The following PBX1 variants were observed in gnomAD, a reference collection of about 807,000 sequenced individuals.
PBX1 encodes PBX homeobox 1.
PBX1 carries 6 observed loss-of-function variants against 53.4 expected under a neutral mutation model. That is an observed-to-expected ratio of 0.11 (90% CI 0.06 to 0.22). The LOEUF (loss-of-function observed/expected upper bound fraction) is 0.22. Among genes scored for constraint, PBX1 ranks in the 10% least tolerant of loss-of-function variants. PBX1 has a pLI of 1.00. For missense variants in PBX1, 251 were observed against 551.4 expected, an observed-to-expected ratio of 0.46 and a Z score of 5.46; for synonymous variants, 204 against 212.3, an observed-to-expected ratio of 0.96 and a Z score of 0.34.
chr1:164,658,978 C>T (rs1377432342), intron 2 of PBX1, among the ~76,000 whole-genome samples: 2 of 152,140 alleles, frequency 1.3e-5, no homozygotes, highest in Middle Eastern at 3.2e-3. Flanking sequence ...GATTTCCAGT[C>T]GTTGTCCATT....
At chr1:164,794,140 G>A (rs1332850756) in intron 3 of PBX1, among the ~76,000 whole-genome samples, 1 of 151,978 alleles carries the variant, frequency 6.6e-6, no homozygotes, top group Non-Finnish European at 1.5e-5. Context: ...CTTCTAAAGT[G>A]CTGGGATTAT....
chr1:164,570,644 T>G (rs145270884), intron 2 of PBX1, among the ~76,000 whole-genome samples: 5,380 of 152,276 alleles, frequency 0.035, 127 homozygotes, highest in Non-Finnish European at 0.053. Flanking sequence ...TCTTTGCTAT[T>G]GTGAATAGTG....
chr1:164,833,974 G>T (rs1309704791), intron 8 of PBX1, among the ~76,000 whole-genome samples: 1 of 143,162 alleles, frequency 7.0e-6, no homozygotes, highest in Non-Finnish European at 1.5e-5. Context: ...TAATTTTTAT[G>T]CCAGAAATAT....
chr1:164,766,424 C>A (rs1163968737), intron 2 of PBX1, among the ~76,000 whole-genome samples: 1 of 152,144 alleles, frequency 6.6e-6, no homozygotes, highest in African/African-American at 2.4e-5. Context: ...ATCATCATCA[C>A]CCCTGCTTTA....
intron 2 of PBX1, among the ~76,000 whole-genome samples, chr1:164,571,344 T>C (rs1653838756): frequency 6.6e-6 from 1 of 152,166 alleles, no homozygotes; most frequent in South Asian, 2.1e-4. Context: ...AATCAGTCCA[T>C]ATTTCCCCCT....
At chr1:164,656,795 A>G (rs1378947416) in intron 2 of PBX1, among the ~76,000 whole-genome samples, 1 of 152,190 alleles carries the variant, frequency 6.6e-6, no homozygotes, top group Non-Finnish European at 1.5e-5. Flanking sequence ...CAGTTCTGCT[A>G]CAGGTATTCT....
At chr1:164,651,484 T>C (rs533646785) in intron 2 of PBX1, among the ~76,000 whole-genome samples, 1 of 152,170 alleles carries the variant, frequency 6.6e-6, no homozygotes, top group South Asian at 2.1e-4. Flanking sequence ...TTGAGCCTAA[T>C]GAATTCCGCT....
At chr1:164,759,180 T>C (rs1666680973) in intron 2 of PBX1, among the ~76,000 whole-genome samples, 1 of 152,210 alleles carries the variant, frequency 6.6e-6, no homozygotes, top group Non-Finnish European at 1.5e-5. Flanking sequence ...CTTTAAAGGA[T>C]AGTGTCGGTT....
intron 2 of PBX1, among the ~76,000 whole-genome samples, chr1:164,688,705 A>G (rs1385845940): frequency 6.6e-6 from 1 of 152,054 alleles, no homozygotes. Flanking sequence ...GCCACTTTCC[A>G]TTCTTCCCCC....
chr1:164,865,228 T>C (rs1424394833), intron 2 of PBX1, among the ~76,000 whole-genome samples: 1 of 152,232 alleles, frequency 6.6e-6, no homozygotes, highest in Non-Finnish European at 1.5e-5. Flanking sequence ...ACCTGGCTCA[T>C]AGCCAGTTCT....
At chr1:164,765,190 G>A (rs1296947365) in intron 2 of PBX1, among the ~76,000 whole-genome samples, 1 of 152,194 alleles carries the variant, frequency 6.6e-6, no homozygotes, top group Admixed American at 6.5e-5. Flanking sequence ...GCAGTATAAA[G>A]ATGTACATGT....
intron 2 of PBX1, among the ~76,000 whole-genome samples, chr1:164,691,232 T>C (rs1686192): frequency 0.47 from 71,769 of 151,590 alleles, 17,231 homozygotes; most frequent in East Asian, 0.66. Flanking sequence ...CCAACTGGTC[T>C]CGAACTCCCG....
intron 2 of PBX1, among the ~76,000 whole-genome samples, chr1:164,649,440 G>T (rs1659656934): frequency 6.6e-6 from 1 of 152,008 alleles, no homozygotes; most frequent in Non-Finnish European, 1.5e-5. Context: ...TTAAACCCAG[G>T]ACCTGTTTGA....
chr1:164,666,064 A>C (rs1660787192), intron 2 of PBX1, among the ~76,000 whole-genome samples: 1 of 152,182 alleles, frequency 6.6e-6, no homozygotes, highest in Admixed American at 6.5e-5. Context: ...TCCAGGAGGG[A>C]ATGGTATGCA....
chr1:164,629,974 A>G (rs926655657), intron 2 of PBX1, among the ~76,000 whole-genome samples: 1 of 152,220 alleles, frequency 6.6e-6, no homozygotes, highest in African/African-American at 2.4e-5. Flanking sequence ...GACAGTGCGA[A>G]TGAGTATGCC....
At chr1:164,877,072 C>T (rs1672530255) in intron 2 of PBX1, among the ~76,000 whole-genome samples, 1 of 151,938 alleles carries the variant, frequency 6.6e-6, no homozygotes, top group Non-Finnish European at 1.5e-5. Context: ...AATTCTGTGA[C>T]AACCCTGTGA....
At chr1:164,620,922 A>G (rs1442643052) in intron 2 of PBX1, among the ~76,000 whole-genome samples, 1 of 152,028 alleles carries the variant, frequency 6.6e-6, no homozygotes, top group Admixed American at 6.5e-5. Flanking sequence ...ACCTCAGGTG[A>G]TCCACCCACC....
intron 2 of PBX1, among the ~76,000 whole-genome samples, chr1:164,601,687 C>T (rs1656189526): frequency 1.3e-5 from 2 of 152,212 alleles, no homozygotes; most frequent in African/African-American, 4.8e-5. Context: ...TTCCCAGTCC[C>T]TGTCACCTGC....
intron 5 of PBX1, 105 bp from the exon 6 acceptor site, chr1:164,811,885 C>T: frequency 2.7e-6 from 2 of 751,446 alleles, no homozygotes; most frequent in Non-Finnish European, 4.0e-6. Context: ...AGGATAAGAC[C>T]AATTAGCTTA....
Sources: allele counts gnomAD v4.1 joint callset (sites outside exome capture counted in the v4.1 genomes callset), GRCh38; gene constraint gnomAD v4.1.1; transcripts MANE v1.5; gene names NCBI Gene and HGNC (gene_info 2026-07-23, HGNC 2026-07-21).